Variants in NAV2 observed in about 807,000 individuals in gnomAD.
NAV2 encodes the protein neuron navigator 2.
Under a neutral mutation model 223.2 loss-of-function variants are expected in NAV2, and 54 were observed. The ratio of observed to expected loss-of-function variants is 0.24; its 90% CI spans 0.19 to 0.30. The LOEUF is 0.30. Ranked by LOEUF, NAV2 falls within the 10% of genes least tolerant of loss-of-function variation. The pLI is 1.00. For synonymous variants in NAV2, 1,279 were observed against 1,239.3 expected, an observed-to-expected ratio of 1.03 and a Z score of -0.67; for missense variants, 2,806 against 3,147.5, an observed-to-expected ratio of 0.89 and a Z score of 2.60.
At chr11:19,974,411 T>A (rs1248397581) in intron 10 of NAV2, among the ~76,000 whole-genome samples, 1 of 152,164 alleles carries the variant, frequency 6.6e-6, no homozygotes, top group Non-Finnish European at 1.5e-5. Context: ...AGACACAGAG[T>A]GAACCCTAAT....
At chr11:19,982,725 T>G (rs2153451176) in intron 10 of NAV2, among the ~76,000 whole-genome samples, 1 of 152,288 alleles carries the variant, frequency 6.6e-6, no homozygotes, top group Non-Finnish European at 1.5e-5. Flanking sequence ...GAAGGTGCTT[T>G]TCACATGAGA....
chr11:19,477,996 A>G (rs948541062), intron 1 of NAV2, among the ~76,000 whole-genome samples: 3 of 152,252 alleles, frequency 2.0e-5, no homozygotes, highest in Admixed American at 2.0e-4. Flanking sequence ...TATCATGGCA[A>G]ATTCAGCAGG....
At chr11:20,035,932 G>T (rs1287544977) in intron 11 of NAV2, 27 bp from the exon 12 acceptor site, 1 of 1,613,704 alleles carries the variant, frequency 6.2e-7, no homozygotes, top group African/African-American at 1.3e-5. Flanking sequence ...AGGTTTTGGT[G>T]CTCAGGATGT....
chr11:19,638,822 G>A (rs1341761521), intron 1 of NAV2, among the ~76,000 whole-genome samples: 2 of 152,016 alleles, frequency 1.3e-5, no homozygotes, highest in African/African-American at 2.4e-5. Flanking sequence ...GTGAAACCCC[G>A]TGTCTACTAA....
At chr11:20,066,220 G>T (rs550666738) in intron 20 of NAV2, among the ~76,000 whole-genome samples, 3 of 152,300 alleles carry the variant, frequency 2.0e-5, no homozygotes, top group African/African-American at 7.2e-5. Flanking sequence ...TCATGTTCAC[G>T]GCTCTATCTT....
At chr11:19,775,252 TTGTCCTAGCC>T (rs1411705897) in intron 1 of NAV2, among the ~76,000 whole-genome samples, 2 of 152,248 alleles carry the variant, frequency 1.3e-5, no homozygotes, top group Admixed American at 1.3e-4. Context: ...TTCTGATATG[TTGTCCTAGCC>T]TGTGCCCCTT....
chr11:20,058,179 A>C (rs1319088176), intron 19 of NAV2, among the ~76,000 whole-genome samples: 1 of 152,250 alleles, frequency 6.6e-6, no homozygotes, highest in African/African-American at 2.4e-5. Context: ...GAGCAGTTGG[A>C]AGAAAATTGA....
intron 1 of NAV2, among the ~76,000 whole-genome samples, chr11:19,561,626 G>A (rs912629722): frequency 2.6e-5 from 4 of 151,988 alleles, no homozygotes; most frequent in African/African-American, 9.7e-5. Context: ...ATGTGTTTGG[G>A]GACTCCCTGA....
chr11:20,092,255 C>G lies in NAV2; in HGVS notation c.5702C>G (p.Ser1901Cys). Residue 1901 changes from serine (S) to cysteine (C), a missense_variant, in exon 28 of 38, where the codon TCT (serine) becomes TGT (cysteine). Ser to Cys is a moderately radical substitution (Grantham distance 112). Coordinates refer to ENST00000349880, the MANE Select transcript of NAV2 (RefSeq NM_145117.5). ...KAENDRLKSESQGSGCSRAPS... is the reference protein window; with the variant it reads ...KAENDRLKSECQGSGCSRAPS... ...GAGAATGATCGGCTGAAGTCAGAGT[C>G]TCAAGGCAGTGGCTGCAGCCGGGCT... 6.2e-7 allele frequency: 1 copy of G among 1,614,230 alleles called. No individual in the cohort carries two copies. Among genetic ancestry groups the G allele is most frequent in the Admixed American group, 1.7e-5 (1 of 60,034 alleles).
At chr11:19,765,395 C>CCT (rs1565278029) in intron 1 of NAV2, among the ~76,000 whole-genome samples, 2 of 72,598 alleles carry the variant, frequency 2.8e-5, no homozygotes, top group African/African-American at 1.2e-4. Context: ...CCTTCCTTCC[C>CCT]TCCCTCCCTC....
intron 1 of NAV2, among the ~76,000 whole-genome samples, chr11:19,523,171 A>G (rs1002350820): frequency 3.3e-5 from 5 of 152,298 alleles, no homozygotes; most frequent in South Asian, 2.1e-4. Context: ...TCTGTTGACC[A>G]TCACTCCACA....
At chr11:19,982,253 T>A (rs9794844) in intron 10 of NAV2, among the ~76,000 whole-genome samples, 2 of 140,310 alleles carry the variant, frequency 1.4e-5, no homozygotes, top group African/African-American at 5.4e-5. Context: ...TTTTGTTTTG[T>A]TTTTGTTTTT....
At chr11:19,643,193 T>C (rs2047714342) in intron 1 of NAV2, among the ~76,000 whole-genome samples, 1 of 152,162 alleles carries the variant, frequency 6.6e-6, no homozygotes, top group Non-Finnish European at 1.5e-5. Flanking sequence ...ACTTTAAGTT[T>C]TAGGGTACAT....
intron 1 of NAV2, among the ~76,000 whole-genome samples, chr11:19,513,669 G>A (rs909967225): frequency 6.6e-6 from 1 of 152,340 alleles, no homozygotes; most frequent in East Asian, 1.9e-4. Flanking sequence ...AAAAACCTAT[G>A]TTGAAGTCCT....
chr11:19,796,715 T>C (rs1261975839), intron 1 of NAV2, among the ~76,000 whole-genome samples: 1 of 152,146 alleles, frequency 6.6e-6, no homozygotes, highest in African/African-American at 2.4e-5. Context: ...TCTCTGACTT[T>C]TTCTCATCCA....
intron 5 of NAV2, among the ~76,000 whole-genome samples, chr11:19,884,060 T>C (rs1449533732): frequency 6.6e-6 from 1 of 152,230 alleles, no homozygotes; most frequent in African/African-American, 2.4e-5. Flanking sequence ...CACACATGAA[T>C]ACATACACAC....
chr11:19,487,921 G>A (rs1020904859), intron 1 of NAV2, among the ~76,000 whole-genome samples: 5 of 152,164 alleles, frequency 3.3e-5, no homozygotes, highest in African/African-American at 1.2e-4. Context: ...ACAAACTGTT[G>A]TTGCTCCAAG....
At chr11:19,962,356 C>A (rs747322895) in intron 10 of NAV2, among the ~76,000 whole-genome samples, 1 of 152,084 alleles carries the variant, frequency 6.6e-6, no homozygotes, top group Non-Finnish European at 1.5e-5. Flanking sequence ...AATATCTGGA[C>A]TCTAGTGTTT....
chr11:19,398,308 GC>G (rs1215562010), intron 1 of NAV2, among the ~76,000 whole-genome samples: 1 of 152,116 alleles, frequency 6.6e-6, no homozygotes, highest in Non-Finnish European at 1.5e-5. Flanking sequence ...ACTCACTATT[GC>G]TAGGAGAGCA....
Sources: gnomAD v4.1 joint callset for allele counts (sites outside exome capture counted in the v4.1 genomes callset) on GRCh38, gnomAD v4.1.1 for gene constraint, MANE v1.5 for transcripts, NCBI Gene and HGNC (gene_info 2026-07-23, HGNC 2026-07-21) for gene names.